The following WDFY3 variants were observed in gnomAD, a reference collection of about 807,000 sequenced individuals.
WDFY3 encodes WD repeat and FYVE domain containing 3, also known as WD repeat and FYVE domain-containing protein 3.
WDFY3 carries 66 observed loss-of-function variants against 409.6 expected under a neutral mutation model. The observed-to-expected ratio is 0.16, with a 90% CI of 0.13 to 0.20. WDFY3 has a LOEUF of 0.20. Ranked by LOEUF, WDFY3 falls within the 10% of genes least tolerant of loss-of-function variation. The pLI, the probability that WDFY3 is intolerant of heterozygous loss-of-function variation, is 1.00. For missense variants in WDFY3, 3,031 were observed against 4,298.1 expected (o/e 0.71, Z 8.24); for synonymous variants, 1,521 against 1,537.1 (o/e 0.99, Z 0.25).
chr4:84,943,023 C>T (rs955341520), intron 1 of WDFY3, among the ~76,000 whole-genome samples: 2 of 152,172 alleles, frequency 1.3e-5, no homozygotes, highest in East Asian at 3.9e-4. Flanking sequence ...TTTTCTTCTG[C>T]CTCTGCCACA....
intron 21 of WDFY3, among the ~76,000 whole-genome samples, chr4:84,793,977 T>G (rs1433297784): frequency 1.3e-5 from 2 of 152,228 alleles, no homozygotes; most frequent in Non-Finnish European, 2.9e-5. Flanking sequence ...ATATTTTAAA[T>G]TATTTATCAT....
In WDFY3 at chr4:84,911,350, T is replaced by C. The variant is rs558435349; in HGVS notation, c.-131-14340A>G. 3.0e-4 allele frequency among the ~76,000 whole-genome samples: 45 copies of C among 152,218 alleles called. No individual in the cohort carries two copies. The South Asian group carries it at 6.0e-3, about 20-fold the overall frequency. On this transcript the variant is annotated intron_variant, in intron 2 of 67. Transcript: ENST00000295888. ...AAAAAATTAAAATATTAGCTGAGCA[T>C]GTGGCATACGACTGTAGTCCTAGCT...
intron 3 of WDFY3, among the ~76,000 whole-genome samples, chr4:84,893,788 C>G (rs1765239325): frequency 6.6e-6 from 1 of 151,998 alleles, no homozygotes; most frequent in South Asian, 2.1e-4. Context: ...AGTTCAAAAC[C>G]AGCCTGGCCA....
intron 30 of WDFY3, among the ~76,000 whole-genome samples, chr4:84,771,215 C>G (rs1744628688): frequency 6.6e-6 from 1 of 152,190 alleles, no homozygotes; most frequent in African/African-American, 2.4e-5. Flanking sequence ...CAATTCACTA[C>G]AGCCTCAGCC....
chr4:84,923,312 G>A (rs1769527179), intron 2 of WDFY3, among the ~76,000 whole-genome samples: 1 of 152,150 alleles, frequency 6.6e-6, no homozygotes, highest in South Asian at 2.1e-4. Context: ...AGGAAATCTG[G>A]ACAAACAATT....
chr4:84,701,285 G>A (rs1261258981), intron 56 of WDFY3, among the ~76,000 whole-genome samples: 1 of 152,194 alleles, frequency 6.6e-6, no homozygotes, highest in African/African-American at 2.4e-5. Flanking sequence ...TACAGGTAAT[G>A]AAAATCAATT....
chr4:84,965,618 T>C (rs1344445438), intron 1 of WDFY3: 1 of 152,222 alleles, frequency 6.6e-6, no homozygotes, highest in Admixed American at 6.5e-5. Flanking sequence ...ACATCCCCAG[T>C]ACAAGAGAAC....
At chr4:84,918,815 G>GTATATATA (rs759569387) in intron 2 of WDFY3, among the ~76,000 whole-genome samples, 7 of 138,336 alleles carry the variant, frequency 5.1e-5, no homozygotes, top group East Asian at 2.1e-4. Flanking sequence ...GTGTGTGTGT[G>GTATATATA]TATATATATA....
chr4:84,893,228 A>C (rs1026242686), intron 3 of WDFY3, among the ~76,000 whole-genome samples: 2 of 152,208 alleles, frequency 1.3e-5, no homozygotes, highest in Non-Finnish European at 2.9e-5. Context: ...TTCTGCAAAA[A>C]AAAGGTACAT....
At chr4:84,775,698 C>G (rs1359435986) in intron 27 of WDFY3, among the ~76,000 whole-genome samples, 1 of 151,418 alleles carries the variant, frequency 6.6e-6, no homozygotes, top group Non-Finnish European at 1.5e-5. Context: ...CAGGAAAAAT[C>G]ATTGAAGAAA....
At position 84,901,441 on chromosome 4, in the gene WDFY3, T is replaced by C. The variant is rs139769347; in HGVS notation, c.-131-4431A>G. ...TGTCCCCTACCACCTCAGGACTCTG[T>C]AGAGAGTCCCTTCCAGCAAGCAGGC... is the stretch of plus-strand genomic sequence containing the variant. On this transcript the variant is annotated intron_variant, in intron 2 of 67. Transcript: ENST00000295888. Among the ~76,000 whole-genome samples the C allele has an allele frequency of 2.4e-4, 36 of 152,258 alleles. No individual in the cohort carries two copies. In the East Asian group the frequency reaches 6.2e-3, roughly 26 times the overall value.
intron 24 of WDFY3, among the ~76,000 whole-genome samples, chr4:84,783,862 TACACAC>T (rs137878462): frequency 3.3e-4 from 46 of 140,936 alleles, no homozygotes; most frequent in African/African-American, 6.2e-4. Context: ...GTGTCATACA[TACACAC>T]ACACACACAC....
intron 10 of WDFY3, 28 bp from the exon 11 acceptor site, chr4:84,821,579 T>C (rs755312672): frequency 6.4e-7 from 1 of 1,567,490 alleles, no homozygotes; most frequent in Admixed American, 1.8e-5. Flanking sequence ...AACATAAAAG[T>C]AGGTACTATG....
At chr4:84,808,004 G>A (rs781744834) in intron 15 of WDFY3, among the ~76,000 whole-genome samples, 1 of 151,816 alleles carries the variant, frequency 6.6e-6, no homozygotes, top group Non-Finnish European at 1.5e-5. Context: ...ATTCTACTTA[G>A]AGACATTAAG....
intron 1 of WDFY3, among the ~76,000 whole-genome samples, chr4:84,952,736 T>C (rs527279325): frequency 6.6e-6 from 1 of 151,464 alleles, no homozygotes; most frequent in South Asian, 2.1e-4. Context: ...TAAATACTCA[T>C]CTTGACCAAA....
At chr4:84,848,648 G>A (rs1330984476) in intron 5 of WDFY3, among the ~76,000 whole-genome samples, 1 of 152,176 alleles carries the variant, frequency 6.6e-6, no homozygotes, top group Non-Finnish European at 1.5e-5. Context: ...CTAAGTCATA[G>A]GCAGTTTAAA....
intron 38 of WDFY3, among the ~76,000 whole-genome samples, chr4:84,741,322 T>G (rs959867961): frequency 6.6e-6 from 1 of 151,944 alleles, no homozygotes. Flanking sequence ...TTCAGTTTTT[T>G]TTTTTTTTTT....
At chr4:84,884,191 G>A (rs1763894740) in intron 3 of WDFY3, among the ~76,000 whole-genome samples, 1 of 152,042 alleles carries the variant, frequency 6.6e-6, no homozygotes, top group African/African-American at 2.4e-5. Context: ...GTTCCTAGTA[G>A]AACATACACT....
chr4:84,850,928 G>GTTTTTTTTTTTT (rs869074191), intron 4 of WDFY3, among the ~76,000 whole-genome samples: 18 of 46,238 alleles, frequency 3.9e-4, no homozygotes, highest in East Asian at 8.8e-4. Context: ...TTATTTATCT[G>GTTTTTTTTTTTT]TTTTTTTTTT....
Sources: gnomAD v4.1 joint callset for allele counts (sites outside exome capture counted in the v4.1 genomes callset) on GRCh38, gnomAD v4.1.1 for gene constraint, MANE v1.5 for transcripts, NCBI Gene and HGNC (gene_info 2026-07-23, HGNC 2026-07-21) for gene names.